Variants in NALF1 observed in about 807,000 individuals in gnomAD.
NALF1 encodes the protein family with sequence similarity 155 member A.
NALF1 carries 3 observed loss-of-function variants against 48.4 expected under a neutral mutation model. The ratio of observed to expected loss-of-function variants is 0.06; its 90% CI spans 0.03 to 0.16. The LOEUF (loss-of-function observed/expected upper bound fraction) is 0.16. Among genes scored for constraint, NALF1 ranks in the 10% least tolerant of loss-of-function variants. NALF1 has a pLI of 1.00. For missense variants in NALF1, 526 were observed against 571.5 expected, an observed-to-expected ratio of 0.92 and a Z score of 0.81; for synonymous variants, 262 against 245.7, an observed-to-expected ratio of 1.07 and a Z score of -0.62.
chr13:107,335,769 C>T (rs1882544100), intron 1 of NALF1, among the ~76,000 whole-genome samples: 2 of 152,206 alleles, frequency 1.3e-5, no homozygotes, highest in East Asian at 1.9e-4. Flanking sequence ...TTTACCTCCA[C>T]CTACCTTTTC....
chr13:107,752,231 T>C (rs1876960793), intron 1 of NALF1, among the ~76,000 whole-genome samples: 1 of 152,136 alleles, frequency 6.6e-6, no homozygotes, highest in South Asian at 2.1e-4. Flanking sequence ...ATTTTCTGTC[T>C]TTCACCATTG....
intron 1 of NALF1, among the ~76,000 whole-genome samples, chr13:107,703,261 T>C (rs2138513001): frequency 6.6e-6 from 1 of 152,108 alleles, no homozygotes; most frequent in East Asian, 1.9e-4. Flanking sequence ...TTCTAACTAT[T>C]TAAATACTTT....
At chr13:107,259,569 A>G (rs745431664) in intron 1 of NALF1, among the ~76,000 whole-genome samples, 3 of 152,218 alleles carry the variant, frequency 2.0e-5, no homozygotes, top group Non-Finnish European at 4.4e-5. Flanking sequence ...GTCTAGGCCT[A>G]GACTTGTCAT....
At chr13:107,643,557 A>G (rs1880222637) in intron 1 of NALF1, among the ~76,000 whole-genome samples, 1 of 151,250 alleles carries the variant, frequency 6.6e-6, no homozygotes, top group Non-Finnish European at 1.5e-5. Context: ...GGGGGGTGAA[A>G]CGAAATGACA....
At chr13:107,779,712 ATGAGT>A (rs1877831901) in intron 1 of NALF1, among the ~76,000 whole-genome samples, 1 of 152,204 alleles carries the variant, frequency 6.6e-6, no homozygotes, top group Admixed American at 6.5e-5. Context: ...ACACAGTTGG[ATGAGT>A]TAATTAATAC....
intron 1 of NALF1, among the ~76,000 whole-genome samples, chr13:107,509,811 A>G (rs1339169091): frequency 6.6e-6 from 1 of 151,914 alleles, no homozygotes; most frequent in Non-Finnish European, 1.5e-5. Context: ...TATTATTATT[A>G]TTATTATTTT....
intron 1 of NALF1, among the ~76,000 whole-genome samples, chr13:107,230,130 C>G (rs1880189318): frequency 6.6e-6 from 1 of 152,130 alleles, no homozygotes; most frequent in Admixed American, 6.5e-5. Context: ...GATAGAAACA[C>G]TTTTGAATGA....
chr13:107,688,199 G>C (rs1881482892), intron 1 of NALF1, among the ~76,000 whole-genome samples: 1 of 152,052 alleles, frequency 6.6e-6, no homozygotes, highest in African/African-American at 2.4e-5. Context: ...GCACTTTATG[G>C]CTATGAAGGT....
chr13:107,549,224 T>C (rs188069321), intron 1 of NALF1, among the ~76,000 whole-genome samples: 10 of 152,326 alleles, frequency 6.6e-5, no homozygotes, highest in Non-Finnish European at 1.5e-4. Context: ...ACATCATTCC[T>C]TACATTTATC....
At chr13:107,829,152 C>T (rs1211212056) in intron 1 of NALF1, among the ~76,000 whole-genome samples, 1 of 152,130 alleles carries the variant, frequency 6.6e-6, no homozygotes, top group Non-Finnish European at 1.5e-5. Flanking sequence ...AGAGATCACC[C>T]ATTATTTCTA....
chr13:107,843,069 A>G (rs980170826), intron 1 of NALF1, among the ~76,000 whole-genome samples: 3 of 152,210 alleles, frequency 2.0e-5, no homozygotes, highest in African/African-American at 7.2e-5. Flanking sequence ...TAACATTTAG[A>G]TAACAATGGC....
intron 1 of NALF1, among the ~76,000 whole-genome samples, chr13:107,734,182 T>C (rs1389402784): frequency 6.6e-6 from 1 of 152,132 alleles, no homozygotes; most frequent in Non-Finnish European, 1.5e-5. Context: ...CCACTGTATA[T>C]GCAGTCTGTC....
intron 1 of NALF1, among the ~76,000 whole-genome samples, chr13:107,544,287 G>C (rs1337680583): frequency 6.6e-6 from 1 of 152,042 alleles, no homozygotes; most frequent in Non-Finnish European, 1.5e-5. Flanking sequence ...ATACCATTTT[G>C]ACTTTGCAAT....
chr13:107,432,219 C>A (rs1164940452), intron 1 of NALF1, among the ~76,000 whole-genome samples: 2 of 152,120 alleles, frequency 1.3e-5, no homozygotes, highest in African/African-American at 2.4e-5. Flanking sequence ...ACAACCAGGT[C>A]TCTGGAGAAC....
intron 2 of NALF1, among the ~76,000 whole-genome samples, chr13:107,187,371 T>C (rs1403185773): frequency 6.6e-6 from 1 of 152,216 alleles, no homozygotes; most frequent in Non-Finnish European, 1.5e-5. Flanking sequence ...AAAATGCTTA[T>C]ATAGGATGGA....
At chr13:107,384,015 G>A (rs1883484033) in intron 1 of NALF1, among the ~76,000 whole-genome samples, 1 of 152,180 alleles carries the variant, frequency 6.6e-6, no homozygotes, top group South Asian at 2.1e-4. Flanking sequence ...TTGGGAGGCT[G>A]AGGTGGGAGC....
intron 1 of NALF1, among the ~76,000 whole-genome samples, chr13:107,433,256 T>C (rs762509916): frequency 4.6e-5 from 7 of 152,196 alleles, no homozygotes; most frequent in Non-Finnish European, 8.8e-5. Context: ...TTGTACATTA[T>C]AATAACTTTA....
Position 107,834,016 on chromosome 13 carries a change from C to T in NALF1, c.915+31666G>A, listed in dbSNP as rs1237194054. 4.0e-5 allele frequency among the ~76,000 whole-genome samples: 6 copies of T among 151,014 alleles called. No individual in the cohort carries two copies. In the South Asian group the frequency reaches 1.3e-3, roughly 32 times the overall value. On this transcript the variant is annotated intron_variant, in intron 1 of 2. Transcript: ENST00000375915. ...TGTACCCATGGATTCAACTGAGGAT[C>T]GAAAATATAAAAATAATAATGATAG... is the stretch of plus-strand genomic sequence containing the variant.
intron 1 of NALF1, among the ~76,000 whole-genome samples, chr13:107,276,740 ATCAAACTG>A (rs778037908): frequency 1.9e-4 from 29 of 152,180 alleles, no homozygotes; most frequent in Non-Finnish European, 3.7e-4. Flanking sequence ...GGGATTAATA[ATCAAACTG>A]TATCAAGAGA....
Sources: allele counts gnomAD v4.1 joint callset (sites outside exome capture counted in the v4.1 genomes callset), GRCh38; gene constraint gnomAD v4.1.1; transcripts MANE v1.5; gene names NCBI Gene and HGNC (gene_info 2026-07-23, HGNC 2026-07-21).